The following ABLIM2 variants were observed in gnomAD, a reference collection of about 807,000 sequenced individuals.
ABLIM2 encodes the protein actin binding LIM protein family member 2.
A neutral mutation model predicts 97.7 loss-of-function variants in ABLIM2; 53 were observed. The observed-to-expected ratio is 0.54, with a 90% CI of 0.44 to 0.68. The LOEUF (loss-of-function observed/expected upper bound fraction) is 0.68. Ranked by LOEUF, ABLIM2 falls within the 30% of genes least tolerant of loss-of-function variation. The pLI, the probability that ABLIM2 is intolerant of heterozygous loss-of-function variation, is 0.00. For synonymous variants in ABLIM2, 361 were observed against 345.8 expected (o/e 1.04, Z -0.49); for missense variants, 835 against 867.2 (o/e 0.96, Z 0.47).
At chr4:8,114,147 G>A (rs1259183419) in intron 1 of ABLIM2, among the ~76,000 whole-genome samples, 1 of 152,220 alleles carries the variant, frequency 6.6e-6, no homozygotes, top group Non-Finnish European at 1.5e-5. Context: ...CATGGGCGGG[G>A]GCTGTGCCCG....
In ABLIM2 at chr4:8,035,315, C is replaced by T. The variant is rs540724087; in HGVS notation, c.1047+834G>A. 1.1e-3 allele frequency among the ~76,000 whole-genome samples: 168 copies of T among 152,262 alleles called. 1 individual carries two copies. Among genetic ancestry groups the T allele is most frequent in the South Asian group, 9.1e-3 (44 of 4,830 alleles). On this transcript the variant is annotated intron_variant, in intron 10 of 20. Transcript: ENST00000447017. The stretch of plus-strand genomic sequence containing the variant: ...GTGCACCCAGCAGCCATGACTTTCT[C>T]GCCCCACACCATCCGCATCGAACGC...
intron 8 of ABLIM2, among the ~76,000 whole-genome samples, chr4:8,050,601 GTGAGGT>G (rs1795353086): frequency 6.6e-6 from 1 of 152,246 alleles, no homozygotes; most frequent in African/African-American, 2.4e-5. Context: ...CCAAAAACAA[GTGAGGT>G]TGATGCTGCC....
At chr4:8,102,421 T>C (rs2152717902) in intron 2 of ABLIM2, among the ~76,000 whole-genome samples, 1 of 152,348 alleles carries the variant, frequency 6.6e-6, no homozygotes, top group East Asian at 1.9e-4. Context: ...TTTATCATGT[T>C]TATTATCTGT....
At chr4:8,126,292 G>A (rs572660403) in intron 1 of ABLIM2, among the ~76,000 whole-genome samples, 6 of 152,218 alleles carry the variant, frequency 3.9e-5, no homozygotes, top group East Asian at 1.9e-4. Context: ...ACCAGGCCTC[G>A]TGCCCACACA....
intron 7 of ABLIM2, among the ~76,000 whole-genome samples, chr4:8,057,799 C>A (rs534487427): frequency 6.6e-6 from 1 of 152,326 alleles, no homozygotes. Context: ...GGGGCCCATG[C>A]TTTTCAGAGC....
At chr4:8,077,487 G>T in intron 6 of ABLIM2, 141 bp downstream of exon 6, 1 of 822,886 alleles carries the variant, frequency 1.2e-6, no homozygotes, top group Non-Finnish European at 1.9e-6. Context: ...GGTGTCCATT[G>T]GCTGAGCTGG....
At chr4:7,983,456 A>G in intron 19 of ABLIM2, 91 bp downstream of exon 19, 8 of 1,588,854 alleles carry the variant, frequency 5.0e-6, no homozygotes, top group Non-Finnish European at 6.9e-6. Flanking sequence ...CCTGACACAC[A>G]CATTTCATAG....
intron 16 of ABLIM2, among the ~76,000 whole-genome samples, chr4:8,006,195 C>T (rs1048401278): frequency 3.9e-5 from 6 of 152,232 alleles, no homozygotes; most frequent in Non-Finnish European, 7.3e-5. Context: ...GTGAAGGCCA[C>T]ATGTGCAGGT....
At chr4:8,013,435 G>A (rs1370599833) in intron 14 of ABLIM2, among the ~76,000 whole-genome samples, 1 of 152,014 alleles carries the variant, frequency 6.6e-6, no homozygotes, top group Admixed American at 6.6e-5. Context: ...TGTTGGTCAG[G>A]CTGGTCTTGA....
At position 7,996,020 on chromosome 4, in the gene ABLIM2, G is replaced by A. The variant is rs1021213546; in HGVS notation, c.1619-3093C>T. Among the ~76,000 whole-genome samples, 8 of 152,252 alleles carry A rather than the reference G, an allele frequency of 5.3e-5. No individual in the cohort carries two copies. Among genetic ancestry groups the A allele is most frequent in the African/African-American group, 1.9e-4 (8 of 41,572 alleles). Reference sequence around the variant, plus strand: ...GCCTTGCAGTCCTGGGGTCCTCCAGGAGACACCTTCCTCCTCCTTCATGCC... The same window carrying A: ...GCCTTGCAGTCCTGGGGTCCTCCAGAAGACACCTTCCTCCTCCTTCATGCC... On this transcript the variant is annotated intron_variant, in intron 16 of 20. Transcript: ENST00000447017. The surrounding 1 kb of genome is among the most constrained non-coding windows in gnomAD (Gnocchi z 4.5).
chr4:8,085,785 C>A lies in ABLIM2; in HGVS notation c.454+2384G>T, dbSNP rs1160239959. The stretch of plus-strand genomic sequence containing the variant: ...TAGTCTTTGTACTCATCTGTAGCAT[C>A]CTCCCCCTTCCAGACCCACCTGCTG... On this transcript the variant is annotated intron_variant, in intron 4 of 20. Transcript: ENST00000447017. The surrounding 1 kb of genome is among the most constrained non-coding windows in gnomAD (Gnocchi z 6.1). 1.3e-5 allele frequency among the ~76,000 whole-genome samples: 2 copies of A among 152,222 alleles called. No individual in the cohort carries two copies. Among genetic ancestry groups the A allele is most frequent in the African/African-American group, 4.8e-5 (2 of 41,452 alleles).
Position 7,992,927 on chromosome 4 carries a change from C to T in ABLIM2, c.1619G>A (p.Arg540Gln). ...AGGGTCAGATTTGGAATAGGGGAAT[C>T]CTGAAACAGACACAGCACAGCTTTG... ...QRMAGDSFHS[R>Q]FPYSKSDPLP... Residue 540 changes from arginine (R) to glutamine (Q), a missense_variant and splice_region_variant, in exon 17 of 21, where the codon CGA (arginine) becomes CAA (glutamine). Transcript: ENST00000447017. The surrounding 1 kb of genome is among the most constrained non-coding windows in gnomAD (Gnocchi z 5.7). The T allele has an allele frequency of 1.9e-6, 3 of 1,612,866 alleles. No individual in the cohort carries two copies. The highest frequency in any genetic ancestry group is 2.5e-6 in the Non-Finnish European group (3 of 1,179,728).
rs1477309561 is a variant in ABLIM2, at chr4:8,069,989, G to A, written c.675+7639C>T. 6.6e-6 allele frequency among the ~76,000 whole-genome samples: 1 copy of A among 151,950 alleles called. No individual in the cohort carries two copies. The highest frequency in any genetic ancestry group is 2.4e-5 in the African/African-American group (1 of 41,356). ...CGTGCTGTCTGCACGTCTTGTATGT[G>A]TATGTGATCTGTGTGTCCTTTTGTG... On this transcript the variant is annotated intron_variant, in intron 6 of 20. Transcript: ENST00000447017. The surrounding 1 kb of genome is among the most constrained non-coding windows in gnomAD (Gnocchi z 4.2).
chr4:8,118,246 T>C (rs1381435914), intron 1 of ABLIM2, among the ~76,000 whole-genome samples: 1 of 152,154 alleles, frequency 6.6e-6, no homozygotes, highest in African/African-American at 2.4e-5. Flanking sequence ...CTGACTGCCA[T>C]CTGGGGAGAC....
Position 8,005,515 on chromosome 4 carries a change from G to A in ABLIM2, c.1618+2544C>T. The A allele has an allele frequency of 2.0e-6, 1 of 509,630 alleles. No homozygotes were observed. Among genetic ancestry groups the A allele is most frequent in the Non-Finnish European group, 4.0e-6 (1 of 248,462 alleles). The allele number at this position is 509,630 out of a possible 1,614,324, so 31.6% of individuals were successfully genotyped here. On this transcript the variant is annotated intron_variant, in intron 16 of 20. Coordinates refer to ENST00000447017, the MANE Select transcript of ABLIM2 (RefSeq NM_001130083.2). The surrounding 1 kb of genome is among the most constrained non-coding windows in gnomAD (Gnocchi z 4.9). ...AATGGAACTGGTGCCCACGGACTCA[G>A]GTCTGGGGGCTACTTGGTGACAATC...
chr4:8,066,086 G>A (rs1228683355), intron 6 of ABLIM2, among the ~76,000 whole-genome samples: 2 of 150,830 alleles, frequency 1.3e-5, no homozygotes, highest in Non-Finnish European at 3.0e-5. Context: ...CGGATCATGA[G>A]GTCAGGAGAT....
intron 20 of ABLIM2, among the ~76,000 whole-genome samples, chr4:7,979,669 C>T (rs541885234): frequency 6.6e-6 from 1 of 152,342 alleles, no homozygotes; most frequent in African/African-American, 2.4e-5. Context: ...TAACCATTCA[C>T]CTTCATTGTA....
intron 7 of ABLIM2, among the ~76,000 whole-genome samples, chr4:8,056,654 C>A (rs938690766): frequency 6.6e-6 from 1 of 151,250 alleles, no homozygotes; most frequent in African/African-American, 2.4e-5. Flanking sequence ...TTGAACAGGC[C>A]GGGTGCTGTG....
At chr4:8,097,373 C>T in intron 2 of ABLIM2, 91 bp from the exon 3 acceptor site, 2 of 1,441,308 alleles carry the variant, frequency 1.4e-6, no homozygotes, top group Non-Finnish European at 1.9e-6. Context: ...CACACACACA[C>T]CACCACCTGA....
Sources: allele counts gnomAD v4.1 joint callset (sites outside exome capture counted in the v4.1 genomes callset), GRCh38; gene constraint gnomAD v4.1.1; non-coding constraint Gnocchi (gnomAD v3.1); transcripts MANE v1.5; gene names NCBI Gene and HGNC (gene_info 2026-07-23, HGNC 2026-07-21).